The following VPS13B variants were observed in gnomAD, a reference collection of about 807,000 sequenced individuals.
VPS13B encodes vacuolar protein sorting 13 homolog B, also known as intermembrane lipid transfer protein VPS13B.
A neutral mutation model predicts 426.4 loss-of-function variants in VPS13B; 285 were observed. The ratio of observed to expected loss-of-function variants is 0.67; its 90% CI spans 0.61 to 0.74. The LOEUF (loss-of-function observed/expected upper bound fraction) is 0.74, where lower values mean the gene tolerates loss of function less well. Among genes scored for constraint, VPS13B ranks in the 30% least tolerant of loss-of-function variants. The pLI is 0.00. For synonymous variants in VPS13B, 1,676 were observed against 1,676.4 expected (o/e 1.00, Z 0.01); for missense variants, 4,537 against 4,782.6 (o/e 0.95, Z 1.51).
intron 16 of VPS13B, among the ~76,000 whole-genome samples, chr8:99,171,811 T>G (rs1388302442): frequency 1.3e-5 from 2 of 151,842 alleles, no homozygotes; most frequent in African/African-American, 4.8e-5. Flanking sequence ...TTAGTAACTG[T>G]AACTTGAAAA....
At chr8:99,847,367 T>C (rs1055739053) in intron 54 of VPS13B, among the ~76,000 whole-genome samples, 3 of 152,132 alleles carry the variant, frequency 2.0e-5, no homozygotes, top group Non-Finnish European at 4.4e-5. Context: ...AATAGAAATA[T>C]GGTTAAAATT....
intron 34 of VPS13B, among the ~76,000 whole-genome samples, chr8:99,649,541 T>A (rs1179309256): frequency 6.6e-6 from 1 of 151,998 alleles, no homozygotes; most frequent in Non-Finnish European, 1.5e-5. Flanking sequence ...GTGTTTACCT[T>A]TACCTCATGA....
At chr8:99,770,635 A>G (rs1811439971) in intron 40 of VPS13B, among the ~76,000 whole-genome samples, 1 of 152,232 alleles carries the variant, frequency 6.6e-6, no homozygotes. Context: ...TTGGTAGAGG[A>G]ACACAGCTAA....
At chr8:99,338,095 T>C (rs931640522) in intron 19 of VPS13B, among the ~76,000 whole-genome samples, 8 of 152,330 alleles carry the variant, frequency 5.3e-5, no homozygotes, top group Admixed American at 2.6e-4. Flanking sequence ...TCTTGTTTGC[T>C]GGGGCTATAT....
Position 99,809,455 on chromosome 8 carries a change from T to C in VPS13B, c.8022T>C (p.Ile2674=). 2 of 1,614,072 alleles carry C rather than the reference T, an allele frequency of 1.2e-6. No individual in the cohort carries two copies. Among genetic ancestry groups the C allele is most frequent in the African/African-American group, 1.3e-5 (1 of 75,054 alleles). Residue 2674 remains isoleucine (I), a synonymous_variant, in exon 44 of 62, where the codon ATT becomes ATC. Coordinates refer to ENST00000357162, the MANE Select transcript of VPS13B (RefSeq NM_152564.5). ...PFSVDHAGTF[I]RTIQYRGRTA... ...GTGTGGACCATGCCGGGACTTTTAT[T>C]AGAACAATTCAGTACAGGGGTCGAA...
intron 35 of VPS13B, chr8:99,697,885 C>A: frequency 2.0e-6 from 1 of 511,562 alleles, no homozygotes; most frequent in Non-Finnish European, 3.8e-6. Context: ...ATGACCTCAT[C>A]AATGTGATTG....
intron 61 of VPS13B, among the ~76,000 whole-genome samples, chr8:99,872,583 T>C (rs138755105): frequency 3.0e-4 from 45 of 152,244 alleles, no homozygotes; most frequent in African/African-American, 9.6e-4. Context: ...CACTGGAAAA[T>C]TGCTCTCTGC....
intron 39 of VPS13B, among the ~76,000 whole-genome samples, chr8:99,721,569 G>A (rs1054270448): frequency 2.3e-5 from 3 of 132,284 alleles, no homozygotes; most frequent in African/African-American, 9.8e-5. Flanking sequence ...TTGTTATTCC[G>A]AGTTTAATAT....
At chr8:99,330,582 C>T (rs1810495099) in intron 19 of VPS13B, among the ~76,000 whole-genome samples, 1 of 151,874 alleles carries the variant, frequency 6.6e-6, no homozygotes, top group African/African-American at 2.4e-5. Context: ...AAGTGTTCCC[C>T]CTTTTCTTCC....
chr8:99,068,088 C>T (rs527521050), intron 3 of VPS13B, among the ~76,000 whole-genome samples: 4 of 152,138 alleles, frequency 2.6e-5, no homozygotes, highest in Non-Finnish European at 5.9e-5. Context: ...TTTTCTTCTC[C>T]CTTGAGCCTC....
At chr8:99,125,799 A>G (rs989561734) in intron 8 of VPS13B, among the ~76,000 whole-genome samples, 1 of 152,136 alleles carries the variant, frequency 6.6e-6, no homozygotes, top group African/African-American at 2.4e-5. Flanking sequence ...ATTTTATGCA[A>G]AAGGACAGAT....
At chr8:99,095,608 A>G (rs1400845228) in intron 3 of VPS13B, among the ~76,000 whole-genome samples, 1 of 152,248 alleles carries the variant, frequency 6.6e-6, no homozygotes, top group Non-Finnish European at 1.5e-5. Context: ...ACAGGATACA[A>G]AGATAAATAT....
At chr8:99,252,628 C>T (rs1563628094) in intron 17 of VPS13B, among the ~76,000 whole-genome samples, 4 of 151,982 alleles carry the variant, frequency 2.6e-5, no homozygotes, top group East Asian at 1.9e-4. Flanking sequence ...GAGAGGGTAT[C>T]GAAGTCTCCA....
intron 58 of VPS13B, among the ~76,000 whole-genome samples, chr8:99,864,722 T>C (rs1472908560): frequency 6.6e-6 from 1 of 152,226 alleles, no homozygotes; most frequent in East Asian, 1.9e-4. Flanking sequence ...TGTCATCTTA[T>C]TTGATCTTCA....
chr8:99,659,637 T>C (rs1196671974), intron 34 of VPS13B, among the ~76,000 whole-genome samples: 1 of 152,226 alleles, frequency 6.6e-6, no homozygotes, highest in Non-Finnish European at 1.5e-5. Flanking sequence ...CTCAGCGCCA[T>C]GTAAGTTTGA....
At chr8:99,422,869 TGG>T (rs1816451904) in intron 21 of VPS13B, among the ~76,000 whole-genome samples, 1 of 152,206 alleles carries the variant, frequency 6.6e-6, no homozygotes, top group African/African-American at 2.4e-5. Flanking sequence ...TTTCTATGTG[TGG>T]GAAGATAAAT....
chr8:99,342,907 G>C (rs2133190020), intron 19 of VPS13B, among the ~76,000 whole-genome samples: 1 of 152,098 alleles, frequency 6.6e-6, no homozygotes, highest in East Asian at 1.9e-4. Context: ...ACTAATACCT[G>C]TCATCTTTCA....
rs116284885 is a variant in VPS13B at position 99,690,871 on chromosome 8, G to A, written c.6047-8654G>A. Among the ~76,000 whole-genome samples, 824 of 152,228 alleles carry A rather than the reference G, an allele frequency of 5.4e-3. 8 individuals carry two copies. The highest frequency in any genetic ancestry group is 0.019 in the African/African-American group (786 of 41,526). On this transcript the variant is annotated intron_variant, in intron 35 of 61. Coordinates refer to ENST00000357162, the MANE Select transcript of VPS13B (RefSeq NM_152564.5). The stretch of plus-strand genomic sequence containing the variant: ...TATGTCTTAGCAGTTCCACTGCTAC[G>A]TACATATTTCAGAAAATTAAAAAGC...
At chr8:99,737,966 A>G (rs946048497) in intron 39 of VPS13B, among the ~76,000 whole-genome samples, 3 of 152,248 alleles carry the variant, frequency 2.0e-5, no homozygotes, top group African/African-American at 7.2e-5. Context: ...TACCCACCAA[A>G]GGGCATTTCC....
Sources: allele counts gnomAD v4.1 joint callset (sites outside exome capture counted in the v4.1 genomes callset), GRCh38; gene constraint gnomAD v4.1.1; transcripts MANE v1.5; gene names NCBI Gene and HGNC (gene_info 2026-07-23, HGNC 2026-07-21).